TRAP1: variants seen among roughly 807,000 people sequenced by gnomAD.
TRAP1 encodes heat shock protein 75 kDa, mitochondrial.
A neutral mutation model predicts 89.1 loss-of-function variants in TRAP1; 102 were observed. The observed-to-expected ratio is 1.15, with a 90% CI of 0.98 to 1.35. TRAP1 has a LOEUF of 1.35. TRAP1 is among the 40% of genes most tolerant of loss of function. The pLI is 0.00. For missense variants in TRAP1, 1,256 were observed against 945.3 expected (o/e 1.33, Z -4.31); for synonymous variants, 508 against 388.0 (o/e 1.31, Z -3.64).
intron 1 of TRAP1, among the ~76,000 whole-genome samples, chr16:3,697,263 A>G (rs1402180369): frequency 6.6e-6 from 1 of 152,204 alleles, no homozygotes. Context: ...GTATTTTTAA[A>G]TATTTCCTAT....
At chr16:3,672,650 G>C in intron 10 of TRAP1, 50 bp downstream of exon 10, 1 of 1,567,162 alleles carries the variant, frequency 6.4e-7, no homozygotes, top group South Asian at 1.2e-5. Flanking sequence ...CAGATGCAGC[G>C]GGCGACACTG....
intron 4 of TRAP1, among the ~76,000 whole-genome samples, chr16:3,684,619 A>G (rs1270972136): frequency 6.6e-6 from 1 of 152,150 alleles, no homozygotes; most frequent in Non-Finnish European, 1.5e-5. Flanking sequence ...GTGAAACCCC[A>G]TCTCTACTAA....
intron 1 of TRAP1, among the ~76,000 whole-genome samples, chr16:3,695,257 G>A (rs2151273473): frequency 6.6e-6 from 1 of 152,296 alleles, no homozygotes; most frequent in East Asian, 1.9e-4. Flanking sequence ...TATGTACAGA[G>A]AATGCAAAGA....
chr16:3,708,103 C>T (rs1216497356), intron 1 of TRAP1, among the ~76,000 whole-genome samples: 5 of 152,058 alleles, frequency 3.3e-5, no homozygotes. Flanking sequence ...GAGGATGAGG[C>T]AGGAGTATCA....
chr16:3,699,838 C>CTT (rs60766205), intron 1 of TRAP1, among the ~76,000 whole-genome samples: 4 of 136,308 alleles, frequency 2.9e-5, no homozygotes, highest in Non-Finnish European at 3.2e-5. Flanking sequence ...GGACTAAATT[C>CTT]TTTTTTTTTT....
chr16:3,658,469 G>A (rs531391569), intron 17 of TRAP1: 3 of 582,202 alleles, frequency 5.2e-6, no homozygotes, highest in African/African-American at 1.9e-5. Flanking sequence ...GGCTCACGAG[G>A]TCAGGAGATT....
intron 14 of TRAP1, 51 bp downstream of exon 14, chr16:3,663,373 C>G: frequency 2.5e-6 from 4 of 1,609,616 alleles, no homozygotes; most frequent in Non-Finnish European, 3.4e-6. Context: ...GCAGGAGAGG[C>G]GTGCGGGGAG....
Position 3,685,982 on chromosome 16 carries a change from A to C in TRAP1, c.471+14T>G. On this transcript the variant is annotated intron_variant, in intron 4 of 17. Transcript: ENST00000246957. ...GGCCGGGCCTGCCACACGCCTGGACACTGAGGGAGGTACCTGGATGGTGAT... is the reference window on the plus strand; with the variant it reads ...GGCCGGGCCTGCCACACGCCTGGACCCTGAGGGAGGTACCTGGATGGTGAT... The C allele has an allele frequency of 6.2e-7, 1 of 1,613,036 alleles. No homozygotes were observed. The highest frequency in any genetic ancestry group is 1.3e-5 in the African/African-American group (1 of 75,008).
intron 16 of TRAP1, 191 bp downstream of exon 16, chr16:3,661,796 G>T: frequency 1.6e-6 from 1 of 610,606 alleles, no homozygotes; most frequent in Non-Finnish European, 2.5e-6. Flanking sequence ...TGACACCTGG[G>T]GATGGTAAGG....
chr16:3,701,793 T>A (rs1470054269), intron 1 of TRAP1, among the ~76,000 whole-genome samples: 1 of 152,204 alleles, frequency 6.6e-6, no homozygotes, highest in Non-Finnish European at 1.5e-5. Context: ...CACAGGCAAC[T>A]AATAGTGGTT....
chr16:3,703,701 A>G (rs1426210850), intron 1 of TRAP1, among the ~76,000 whole-genome samples: 1 of 151,962 alleles, frequency 6.6e-6, no homozygotes, highest in African/African-American at 2.4e-5. Flanking sequence ...TACAAAATAA[A>G]TACCCTACTT....
chr16:3,667,626 A>AAAGT (rs2050853684), intron 11 of TRAP1, among the ~76,000 whole-genome samples: 1 of 151,400 alleles, frequency 6.6e-6, no homozygotes, highest in African/African-American at 2.4e-5. Context: ...CTCCATCTCA[A>AAAGT]AAATAAATAA....
chr16:3,699,166 T>C (rs2051331141), intron 1 of TRAP1, among the ~76,000 whole-genome samples: 1 of 152,052 alleles, frequency 6.6e-6, no homozygotes, highest in Admixed American at 6.6e-5. Context: ...CCAGTGCCCA[T>C]GCAGCTCCTC....
rs200653532 is a variant in TRAP1, at chr16:3,690,837, C to G, written c.237G>C (p.Glu79Asp). 3.3e-6 allele frequency: 5 copies of G among 1,514,878 alleles called. No individual in the cohort carries two copies. Among genetic ancestry groups the G allele is most frequent in the Middle Eastern group, 1.8e-4 (1 of 5,632 alleles). 93.8% of individuals were successfully genotyped at this position (1,514,878 alleles called of 1,614,324 possible). The change falls in exon 2 of 18, where the codon GAG becomes GAC. Residue 79 changes from glutamate (E) to aspartate (D), a missense_variant. Physicochemically the swap from Glu to Asp is conservative, Grantham distance 45 (BLOSUM62 2). Coordinates refer to ENST00000246957, the MANE Select transcript of TRAP1 (RefSeq NM_016292.3). ...ACGAGCCAAGGCTACCCTGCACGCT[C>G]TCTGTGCTGCTGATAATCGAGTGCA... is the stretch of plus-strand genomic sequence containing the variant. ...EPLHSIISST[E>D]SVQGSTSKHE... is the part of the protein sequence containing the mutation.
intron 1 of TRAP1, among the ~76,000 whole-genome samples, chr16:3,712,653 G>C (rs889585329): frequency 6.6e-6 from 1 of 152,138 alleles, no homozygotes; most frequent in African/African-American, 2.4e-5. Context: ...TGTCGCCCAG[G>C]AGGGAGTGCA....
chr16:3,677,422 C>A, intron 6 of TRAP1, 76 bp downstream of exon 6: 1 of 1,579,860 alleles, frequency 6.3e-7, no homozygotes, highest in African/African-American at 1.3e-5. Context: ...TTTTCTGAGT[C>A]CATCCCTTTC....
chr16:3,706,919 C>T lies in TRAP1; in HGVS notation c.88+10502G>A, dbSNP rs576288981. 2.2e-4 allele frequency among the ~76,000 whole-genome samples: 33 copies of T among 152,146 alleles called. 1 individual carries two copies. In the South Asian group the frequency reaches 6.4e-3, roughly 30 times the overall value. The stretch of plus-strand genomic sequence containing the variant: ...AGAACTGTGGGGTCATATGGTAATT[C>T]GGTTTGACTGTGTGAGGAGCTGCAA... On this transcript the variant is annotated intron_variant, in intron 1 of 17. Coordinates refer to ENST00000246957, the MANE Select transcript of TRAP1 (RefSeq NM_016292.3).
intron 3 of TRAP1, chr16:3,687,513 G>GA (rs1031998751): frequency 2.1e-4 from 32 of 152,268 alleles, no homozygotes; most frequent in African/African-American, 7.5e-4. Context: ...CACACCCGGA[G>GA]AAAAACAGGC....
chr16:3,672,242 A>C (rs1173560283), intron 10 of TRAP1, among the ~76,000 whole-genome samples: 1 of 152,148 alleles, frequency 6.6e-6, no homozygotes, highest in East Asian at 1.9e-4. Context: ...AGGCTAAGGC[A>C]GGAGAATCAC....
Sources: gnomAD v4.1 joint callset for allele counts (sites outside exome capture counted in the v4.1 genomes callset) on GRCh38, gnomAD v4.1.1 for gene constraint, MANE v1.5 for transcripts, NCBI Gene and HGNC (gene_info 2026-07-23, HGNC 2026-07-21) for gene names.